ADAM12: variants seen among roughly 807,000 people sequenced by gnomAD.
ADAM12 encodes the protein disintegrin and metalloproteinase domain-containing protein 12.
In ADAM12, 70 loss-of-function variants were observed where a neutral mutation model predicts 106.4. The observed-to-expected ratio is 0.66, with a 90% confidence interval of 0.54 to 0.80. The LOEUF (loss-of-function observed/expected upper bound fraction) is 0.80, where lower values mean the gene tolerates loss of function less well. Among genes scored for constraint, ADAM12 ranks in the 30% least tolerant of loss-of-function variants. The probability of loss-of-function intolerance (pLI) is 0.00; values close to 1 mark genes in which losing one functional copy is unlikely to be tolerated. For missense variants in ADAM12, 1,010 were observed against 1,171.9 expected, an observed-to-expected ratio of 0.86 and a Z score of 2.02; for synonymous variants, 420 against 433.5, an observed-to-expected ratio of 0.97 and a Z score of 0.39.
At chr10:126,170,980 T>C (rs1412489315) in intron 3 of ADAM12, among the ~76,000 whole-genome samples, 1 of 152,210 alleles carries the variant, frequency 6.6e-6, no homozygotes, top group East Asian at 1.9e-4. Flanking sequence ...CAGTGGGCCA[T>C]TCATTGATGG....
intron 3 of ADAM12, among the ~76,000 whole-genome samples, chr10:126,220,002 TC>T (rs1376301963): frequency 6.6e-6 from 1 of 152,100 alleles, no homozygotes; most frequent in Non-Finnish European, 1.5e-5. Context: ...TTTGCAGTGG[TC>T]ATAAAGCAGC....
At chr10:126,102,613 C>T (rs1006977693) in intron 8 of ADAM12, among the ~76,000 whole-genome samples, 4 of 152,170 alleles carry the variant, frequency 2.6e-5, no homozygotes, top group African/African-American at 7.2e-5. Context: ...GAGAATATGA[C>T]CAGGATACAA....
chr10:126,162,983 T>C (rs1300479387), intron 3 of ADAM12, among the ~76,000 whole-genome samples: 2 of 152,122 alleles, frequency 1.3e-5, no homozygotes, highest in Non-Finnish European at 2.9e-5. Flanking sequence ...TTGCAAGATC[T>C]GGTCAATTAA....
At chr10:126,253,400 CT>C (rs1428994318) in intron 3 of ADAM12, among the ~76,000 whole-genome samples, 3 of 152,194 alleles carry the variant, frequency 2.0e-5, no homozygotes, top group Admixed American at 2.0e-4. Flanking sequence ...GGAGTCGTTC[CT>C]TTTAGCATGA....
At chr10:126,100,575 CGTGG>C (rs1955644825) in intron 9 of ADAM12, among the ~76,000 whole-genome samples, 1 of 150,798 alleles carries the variant, frequency 6.6e-6, no homozygotes, top group South Asian at 2.1e-4. Flanking sequence ...ATTAGCTGGG[CGTGG>C]TGGCGTGTGC....
Position 126,135,468 on chromosome 10 carries a change from G to T in ADAM12, c.416+116C>A, listed in dbSNP as rs955670696. The stretch of plus-strand genomic sequence containing the variant: ...GTTCTCTTGCCTAGGTGGAGGTGTA[G>T]CTGAGCTGGGAGCCCCCATCACTCA... On this transcript the variant is annotated intron_variant, in intron 5 of 22. Coordinates refer to ENST00000448723, the MANE Select transcript of ADAM12 (RefSeq NM_001288973.2). 8.3e-6 allele frequency: 8 copies of T among 962,180 alleles called. No individual in the cohort carries two copies. The African/African-American group carries it at 1.1e-4, about 14-fold the overall frequency. 59.6% of individuals were successfully genotyped at this position (962,180 alleles called of 1,614,324 possible). A position where few individuals can be genotyped will look rare whatever the true frequency, so the allele number is the denominator to read the frequency against.
At chr10:126,235,847 G>C (rs764341604) in intron 3 of ADAM12, among the ~76,000 whole-genome samples, 1 of 152,176 alleles carries the variant, frequency 6.6e-6, no homozygotes, top group Admixed American at 6.5e-5. Flanking sequence ...CAACTGGCTG[G>C]GTAAGCAAGA....
intron 5 of ADAM12, among the ~76,000 whole-genome samples, chr10:126,126,684 G>A (rs1020774724): frequency 6.6e-6 from 1 of 151,962 alleles, no homozygotes; most frequent in African/African-American, 2.4e-5. Flanking sequence ...TGAAAGGAGG[G>A]GTGGAGACAG....
intron 2 of ADAM12, among the ~76,000 whole-genome samples, chr10:126,300,608 C>A (rs920205191): frequency 1.3e-5 from 2 of 152,156 alleles, no homozygotes; most frequent in African/African-American, 4.8e-5. Flanking sequence ...AGTACTGTTT[C>A]ATTATCTCTG....
chr10:126,136,809 TG>T (rs1265845680), intron 4 of ADAM12, among the ~76,000 whole-genome samples: 5 of 152,228 alleles, frequency 3.3e-5, no homozygotes, highest in Non-Finnish European at 5.9e-5. Flanking sequence ...GTTAAGGGGT[TG>T]CAGGGACATT....
At chr10:126,296,535 C>T (rs1960387043) in intron 2 of ADAM12, among the ~76,000 whole-genome samples, 1 of 152,218 alleles carries the variant, frequency 6.6e-6, no homozygotes, top group South Asian at 2.1e-4. Context: ...ACACACACCC[C>T]TGTTCCCTCA....
intron 3 of ADAM12, among the ~76,000 whole-genome samples, chr10:126,170,486 A>G (rs1957101046): frequency 6.6e-6 from 1 of 151,480 alleles, no homozygotes; most frequent in Non-Finnish European, 1.5e-5. Flanking sequence ...GTACAGAGGC[A>G]TAATCAGTTA....
At position 126,214,766 on chromosome 10, in the gene ADAM12, T is replaced by A. The variant is rs147039563; in HGVS notation, c.261-59461A>T. On this transcript the variant is annotated intron_variant, in intron 3 of 22. Coordinates refer to ENST00000448723, the MANE Select transcript of ADAM12 (RefSeq NM_001288973.2). ...ATGTTCATTATGACTCAGCTTGGAG[T>A]CCTAGTTAATCACAGGTGGCTATGC... 2.4e-3 allele frequency among the ~76,000 whole-genome samples: 359 copies of A among 152,316 alleles called. 2 individuals carry two copies. The highest frequency in any genetic ancestry group is 8.3e-3 in the African/African-American group (344 of 41,574).
At chr10:126,284,634 T>C (rs1259785127) in intron 2 of ADAM12, among the ~76,000 whole-genome samples, 2 of 152,172 alleles carry the variant, frequency 1.3e-5, no homozygotes, top group African/African-American at 4.8e-5. Flanking sequence ...GCAATCCTCC[T>C]GCCTCAGCCT....
Position 126,043,288 on chromosome 10 carries a change from G to T in ADAM12, c.1996-140C>A. 2 of 774,270 alleles carry T rather than the reference G, an allele frequency of 2.6e-6. No individual in the cohort carries two copies. Among genetic ancestry groups the T allele is most frequent in the Non-Finnish European group, 2.1e-6 (1 of 483,402 alleles). 48.0% of individuals were successfully genotyped at this position (774,270 alleles called of 1,614,324 possible). A position where few individuals can be genotyped will look rare whatever the true frequency, so the allele number is the denominator to read the frequency against. ...TCAGCACACGCCATGGTGCGAATAA[G>T]CCCAAAGCCGGCACTACACACCACA... is the stretch of plus-strand genomic sequence containing the variant. On this transcript the variant is annotated intron_variant, in intron 17 of 22. Transcript: ENST00000448723. The surrounding 1 kb of genome is among the most constrained non-coding windows in gnomAD (Gnocchi z 4.1).
intron 3 of ADAM12, among the ~76,000 whole-genome samples, chr10:126,204,732 G>A (rs545785418): frequency 3.0e-4 from 46 of 152,254 alleles, no homozygotes; most frequent in African/African-American, 1.0e-3. Flanking sequence ...GTGACCACTC[G>A]GACTGCACAT....
chr10:126,037,353 C>T (rs1373506235), intron 20 of ADAM12, among the ~76,000 whole-genome samples: 1 of 150,128 alleles, frequency 6.7e-6, no homozygotes, highest in African/African-American at 2.5e-5. Flanking sequence ...TTTTGGCTAC[C>T]ACACAAAGCC....
intron 3 of ADAM12, among the ~76,000 whole-genome samples, chr10:126,204,557 T>C (rs1957761637): frequency 6.6e-6 from 1 of 152,234 alleles, no homozygotes; most frequent in South Asian, 2.1e-4. Context: ...TTCAGGGCAT[T>C]TTCCTCTGGG....
At chr10:126,128,195 G>A (rs890715738) in intron 5 of ADAM12, among the ~76,000 whole-genome samples, 1 of 152,134 alleles carries the variant, frequency 6.6e-6, no homozygotes, top group Non-Finnish European at 1.5e-5. Context: ...AGCTTCCCAT[G>A]AGGACAAGGA....
Sources: gnomAD v4.1 joint callset for allele counts (sites outside exome capture counted in the v4.1 genomes callset) on GRCh38, gnomAD v4.1.1 for gene constraint, Gnocchi (gnomAD v3.1) non-coding constraint, MANE v1.5 for transcripts, NCBI Gene and HGNC (gene_info 2026-07-23, HGNC 2026-07-21) for gene names.